Variants in FAH observed in about 807,000 individuals in gnomAD.
FAH encodes the protein fumarylacetoacetase.
Under a neutral mutation model 55.8 loss-of-function variants are expected in FAH, and 47 were observed. The ratio of observed to expected loss-of-function variants is 0.84; its 90% CI spans 0.67 to 1.07. FAH has a LOEUF of 1.07. FAH is among the 50% of genes least tolerant of loss of function. The probability of loss-of-function intolerance (pLI) is 0.00; values close to 1 mark genes in which losing one functional copy is unlikely to be tolerated. For missense variants in FAH, 495 were observed against 545.9 expected, an observed-to-expected ratio of 0.91 and a Z score of 0.93; for synonymous variants, 199 against 207.7, an observed-to-expected ratio of 0.96 and a Z score of 0.36.
Position 80,172,239 on chromosome 15 carries a change from G to T in FAH, c.697G>T (p.Asp233Tyr), listed in dbSNP as rs144902834. The T allele has an allele frequency of 1.9e-6, 3 of 1,609,806 alleles. No individual in the cohort carries two copies. The highest frequency in any genetic ancestry group is 2.6e-6 in the Non-Finnish European group (3 of 1,176,092). The change falls in exon 8 of 14, where the codon GAC becomes TAC. Residue 233 changes from aspartate (D) to tyrosine (Y), a missense_variant. By Grantham distance (160) the Asp-to-Tyr change is radical. Coordinates refer to ENST00000561421, the MANE Select transcript of FAH (RefSeq NM_000137.4). ...EHIFGMVLMN[D>Y]WSARDIQKWE... is the part of the protein sequence containing the mutation. The stretch of plus-strand genomic sequence containing the variant: ...CATTTTTGGAATGGTCCTTATGAAC[G>T]ACTGGAGTGGTAATTACTGGAGCTC...
At chr15:80,165,988 T>C (rs763884838) in intron 5 of FAH, 8 of 152,136 alleles carry the variant, frequency 5.3e-5, no homozygotes, top group Non-Finnish European at 1.2e-4. Context: ...AAACAGTCAA[T>C]ATATATATAC....
In FAH at chr15:80,173,094, G is replaced by C. The variant is rs1168279912; in HGVS notation, c.787G>C (p.Val263Leu). 3.7e-6 allele frequency: 6 copies of C among 1,614,224 alleles called. No individual in the cohort carries two copies. The highest frequency in any genetic ancestry group is 5.1e-6 in the Non-Finnish European group (6 of 1,180,034). Residue 263 changes from valine (V) to leucine (L), a missense_variant, in exon 9 of 14, where the codon GTG (valine) becomes CTG (leucine). Transcript: ENST00000561421. ...KSFGTTVSPW[V>L]VPMDALMPFA... is the part of the protein sequence containing the mutation. Reference sequence around the variant, plus strand: ...TTTTGGGACCACTGTCTCTCCGTGGGTGGTGCCCATGGATGCTCTCATGCC... The same window carrying C: ...TTTTGGGACCACTGTCTCTCCGTGGCTGGTGCCCATGGATGCTCTCATGCC...
At chr15:80,170,385 G>A (rs1595893861) in intron 7 of FAH, among the ~76,000 whole-genome samples, 1 of 152,192 alleles carries the variant, frequency 6.6e-6, no homozygotes, top group South Asian at 2.1e-4. Flanking sequence ...AGGCTGAAAG[G>A]CCCGTCTGCT....
In FAH at chr15:80,172,011, A is replaced by G; in HGVS notation, c.607-138A>G. The stretch of plus-strand genomic sequence containing the variant: ...CATCTGACCTCTGACTTAGAAACAC[A>G]GTGGATTCATGCCAGGCCCCTGTGG... On this transcript the variant is annotated intron_variant, in intron 7 of 13. Transcript: ENST00000561421. 4 of 754,910 alleles carry G rather than the reference A, an allele frequency of 5.3e-6. No individual in the cohort carries two copies. The South Asian group carries it at 5.6e-5, about 10-fold the overall frequency. 46.8% of individuals were successfully genotyped at this position (754,910 alleles called of 1,614,324 possible).
chr15:80,182,137 C>T (rs561428461), intron 13 of FAH, among the ~76,000 whole-genome samples: 61 of 152,308 alleles, frequency 4.0e-4, no homozygotes, highest in African/African-American at 1.4e-3. Flanking sequence ...CTTGTGGCCA[C>T]ATCACACTGA....
At chr15:80,159,229 A>G (rs1311300758) in intron 2 of FAH, among the ~76,000 whole-genome samples, 5 of 24,656 alleles carry the variant, frequency 2.0e-4, no homozygotes, top group African/African-American at 3.3e-4. Context: ...CAGAATGGGA[A>G]AAAAAAAAAC....
chr15:80,157,912 G>T (rs1262235280), intron 1 of FAH, 148 bp from the exon 2 acceptor site: 1 of 698,656 alleles, frequency 1.4e-6, no homozygotes, highest in African/African-American at 1.8e-5. Context: ...GGGGCAGGAT[G>T]CTGAGAACAT....
At chr15:80,171,671 A>T (rs1424136722) in intron 7 of FAH, among the ~76,000 whole-genome samples, 1 of 152,118 alleles carries the variant, frequency 6.6e-6, no homozygotes, top group Non-Finnish European at 1.5e-5. Context: ...TATGTTGCTC[A>T]GGCTTGTCTC....
In FAH at chr15:80,164,599, C is replaced by T. The variant is rs563954260; in HGVS notation, c.455+2263C>T. On this transcript the variant is annotated intron_variant, in intron 5 of 13. Coordinates refer to ENST00000561421, the MANE Select transcript of FAH (RefSeq NM_000137.4). ...TTATGCATACATTAGTTCCATAGGC[C>T]GGTATGAGCATAGAGAAAGGCAAAA... 7.9e-5 allele frequency among the ~76,000 whole-genome samples: 12 copies of T among 152,068 alleles called. No individual in the cohort carries two copies. The East Asian group carries it at 1.2e-3, about 15-fold the overall frequency.
At chr15:80,168,488 G>A in intron 7 of FAH, 172 bp downstream of exon 7, 1 of 658,884 alleles carries the variant, frequency 1.5e-6, no homozygotes, top group South Asian at 1.6e-5. Flanking sequence ...CTTATTACTT[G>A]CAGATTCTGT....
At position 80,185,656 on chromosome 15, in the gene FAH, G is replaced by A. The variant is rs374547407; in HGVS notation, c.1181-474G>A. 4.6e-5 allele frequency among the ~76,000 whole-genome samples: 7 copies of A among 152,334 alleles called. 1 individual carries two copies. In the South Asian group the frequency reaches 8.3e-4, roughly 18 times the overall value. ...AAAGGCATGTCTTACATGGTGGCAG[G>A]CAAGAGAGAATGAGAGCCAAGTGAA... is the stretch of plus-strand genomic sequence containing the variant. On this transcript the variant is annotated intron_variant, in intron 13 of 13. Coordinates refer to ENST00000561421, the MANE Select transcript of FAH (RefSeq NM_000137.4).
chr15:80,158,568 C>T (rs1205656191), intron 2 of FAH, among the ~76,000 whole-genome samples: 1 of 152,230 alleles, frequency 6.6e-6, no homozygotes, highest in African/African-American at 2.4e-5. Context: ...TCTGTGGAAG[C>T]AGCTACGGAG....
At position 80,181,165 on chromosome 15, in the gene FAH, G is replaced by T. The variant is rs2041328237; in HGVS notation, c.1180+6G>T. 6.3e-7 allele frequency: 1 copy of T among 1,596,900 alleles called. No individual in the cohort carries two copies. Among genetic ancestry groups the T allele is most frequent in the Admixed American group, 1.7e-5 (1 of 59,956 alleles). On this transcript the variant is annotated splice_donor_region_variant and intron_variant, in intron 13 of 13. Coordinates refer to ENST00000561421, the MANE Select transcript of FAH (RefSeq NM_000137.4). ...GGATGAAGTCATCATAACAGGTGAG[G>T]GCTGCCAAACCCAGCAGCTCGTCTT... is the stretch of plus-strand genomic sequence containing the variant.
intron 5 of FAH, among the ~76,000 whole-genome samples, chr15:80,165,513 G>A (rs1420637742): frequency 6.7e-6 from 1 of 150,076 alleles, no homozygotes; most frequent in Non-Finnish European, 1.5e-5. Flanking sequence ...GGGTGAGAGA[G>A]CGAGACTCCA....
rs2041370588 is a variant in FAH, at chr15:80,186,261, T to G, written c.*52T>G. ...AGGGCTCAAGCACCCCTTTCAACCC[T>G]GTGACTGGGGTCCTCCCTCGGGCTG... On this transcript the variant is annotated 3_prime_UTR_variant, in exon 14 of 14. Transcript: ENST00000561421. 3 of 1,427,166 alleles carry G rather than the reference T, an allele frequency of 2.1e-6. No homozygotes were observed. In the African/African-American group the frequency reaches 4.2e-5, roughly 20 times the overall value. 88.4% of individuals were successfully genotyped at this position (1,427,166 alleles called of 1,614,324 possible).
intron 5 of FAH, among the ~76,000 whole-genome samples, chr15:80,165,071 TATC>T (rs969372363): frequency 8.5e-5 from 13 of 152,198 alleles, no homozygotes; most frequent in African/African-American, 2.9e-4. Context: ...CACAGTAAAA[TATC>T]ATTTTTATAA....
intron 4 of FAH, chr15:80,160,670 A>G (rs2041141416): frequency 1.5e-6 from 1 of 685,132 alleles, no homozygotes; most frequent in African/African-American, 1.8e-5. Context: ...TGCCTCAGGT[A>G]GTGAGTTGCA....
chr15:80,159,821 G>A lies in FAH; in HGVS notation c.258G>A (p.Gln86=). 6.2e-7 allele frequency: 1 copy of A among 1,614,262 alleles called. No homozygotes were observed. Residue 86 remains glutamine, a synonymous_variant, in exon 3 of 14, where the codon CAG becomes CAA. Transcript: ENST00000561421. Reference sequence around the variant, plus strand: ...GGAAGGAGGCGAGAGTGTTCTTGCAGAACTTGCTGTCTGTGAGCCAAGCCA... The same window carrying A: ...GGAAGGAGGCGAGAGTGTTCTTGCAAAACTTGCTGTCTGTGAGCCAAGCCA... ...AAWKEARVFL[Q]NLLSVSQARL...
At chr15:80,165,595 T>C (rs2041185179) in intron 5 of FAH, among the ~76,000 whole-genome samples, 1 of 150,908 alleles carries the variant, frequency 6.6e-6, no homozygotes, top group African/African-American at 2.4e-5. Context: ...CTTGGGAGGC[T>C]GAGGCAGGAG....
Sources: gnomAD v4.1 joint callset for allele counts (sites outside exome capture counted in the v4.1 genomes callset) on GRCh38, gnomAD v4.1.1 for gene constraint, MANE v1.5 for transcripts, NCBI Gene and HGNC (gene_info 2026-07-23, HGNC 2026-07-21) for gene names.